Variants in GALNT13 observed in about 807,000 individuals in gnomAD.
GALNT13 encodes UDP-GalNAc:polypeptide N-acetylgalactosaminyltransferase 13.
Under a neutral mutation model 64.2 loss-of-function variants are expected in GALNT13, and 28 were observed. That is an observed-to-expected ratio of 0.44 (90% CI 0.32 to 0.60). The LOEUF (loss-of-function observed/expected upper bound fraction) is 0.60, where lower values mean the gene tolerates loss of function less well. Ranked by LOEUF, GALNT13 falls within the 20% of genes least tolerant of loss-of-function variation. The pLI is 0.05. For missense variants in GALNT13, 577 were observed against 669.8 expected (o/e 0.86, Z 1.53); for synonymous variants, 214 against 224.6 (o/e 0.95, Z 0.42).
At chr2:153,399,496 T>G in the GALNT13 span, among the ~76,000 whole-genome samples, 1 of 152,100 alleles carries the variant, frequency 6.6e-6, no homozygotes, top group East Asian at 1.9e-4. Flanking sequence ...TGGCATTGAA[T>G]CTGTAAATTA....
chr2:154,113,141 T>A (rs1703082441), intron 3 of GALNT13, among the ~76,000 whole-genome samples: 1 of 152,164 alleles, frequency 6.6e-6, no homozygotes, highest in African/African-American at 2.4e-5. Context: ...TAGAGCTGTC[T>A]CTCAAAAGGA....
At chr2:153,906,802 A>C (rs573932890) in intron 2 of GALNT13, among the ~76,000 whole-genome samples, 2 of 151,998 alleles carry the variant, frequency 1.3e-5, no homozygotes, top group African/African-American at 4.8e-5. Flanking sequence ...CTAGTTCTAG[A>C]TCCCTGAGGA....
At chr2:153,831,168 G>A in the GALNT13 span, among the ~76,000 whole-genome samples, 1 of 152,042 alleles carries the variant, frequency 6.6e-6, no homozygotes, top group African/African-American at 2.4e-5. Context: ...CTGTTACTAT[G>A]CTTGTTGACA....
chr2:153,385,173 C>T, the GALNT13 span, among the ~76,000 whole-genome samples: 1 of 152,072 alleles, frequency 6.6e-6, no homozygotes, highest in Non-Finnish European at 1.5e-5. Context: ...ATCCAGCAAT[C>T]CCATTGCTGG....
At chr2:153,822,503 T>C in the GALNT13 span, among the ~76,000 whole-genome samples, 15 of 152,118 alleles carry the variant, frequency 9.9e-5, no homozygotes, top group Non-Finnish European at 1.5e-4. Flanking sequence ...TCAATAGACA[T>C]ATAAAAAGCT....
At chr2:153,397,960 T>G in the GALNT13 span, among the ~76,000 whole-genome samples, 1 of 152,164 alleles carries the variant, frequency 6.6e-6, no homozygotes, top group Non-Finnish European at 1.5e-5. Context: ...TCAGGGTACA[T>G]GTGCACATTG....
chr2:153,545,363 T>C, the GALNT13 span, among the ~76,000 whole-genome samples: 1 of 152,110 alleles, frequency 6.6e-6, no homozygotes, highest in Non-Finnish European at 1.5e-5. Context: ...CCACACATGT[T>C]GATTCCATGT....
the GALNT13 span, among the ~76,000 whole-genome samples, chr2:153,115,121 C>T: frequency 1.3e-5 from 2 of 151,908 alleles, no homozygotes; most frequent in African/African-American, 4.9e-5. Context: ...TCATGACTGT[C>T]CAGGTAAAGG....
At chr2:153,685,169 A>T in the GALNT13 span, among the ~76,000 whole-genome samples, 9 of 152,016 alleles carry the variant, frequency 5.9e-5, no homozygotes, top group South Asian at 1.7e-3. Flanking sequence ...TTGGGTATAT[A>T]CCCAGTGGAT....
chr2:153,745,885 G>T, the GALNT13 span, among the ~76,000 whole-genome samples: 2 of 152,084 alleles, frequency 1.3e-5, no homozygotes, highest in African/African-American at 2.4e-5. Context: ...TCCATGCTTT[G>T]CCTGAAGCTG....
chr2:153,425,858 T>C, the GALNT13 span, among the ~76,000 whole-genome samples: 1 of 151,936 alleles, frequency 6.6e-6, no homozygotes, highest in South Asian at 2.1e-4. Flanking sequence ...AGTTTAGTAA[T>C]ATGAGATTAG....
At chr2:153,920,056 A>G (rs1268527436) in intron 2 of GALNT13, among the ~76,000 whole-genome samples, 1 of 148,402 alleles carries the variant, frequency 6.7e-6, no homozygotes, top group East Asian at 1.9e-4. Context: ...ATATTTATAT[A>G]TGAATTTTTA....
At chr2:153,426,500 GTC>G in the GALNT13 span, among the ~76,000 whole-genome samples, 1 of 151,916 alleles carries the variant, frequency 6.6e-6, no homozygotes, top group Admixed American at 6.6e-5. Flanking sequence ...AGTCTTGTAA[GTC>G]TTTGTTCATC....
rs540507287 is a variant in GALNT13, at chr2:153,885,528, C to A, written c.-177+13225C>A. Among the ~76,000 whole-genome samples, 4 of 152,110 alleles carry A rather than the reference C, an allele frequency of 2.6e-5. No individual in the cohort carries two copies. In the South Asian group the frequency reaches 8.3e-4, roughly 32 times the overall value. The stretch of plus-strand genomic sequence containing the variant: ...TGTTTAAAAGATCGTATCTCCATTT[C>A]ACCTGTTTTCCTAAACACTTTCAAA... On this transcript the variant is annotated intron_variant, in intron 1 of 12. Coordinates refer to ENST00000392825, the MANE Select transcript of GALNT13 (RefSeq NM_052917.4).
the GALNT13 span, among the ~76,000 whole-genome samples, chr2:153,104,805 A>G: frequency 6.6e-6 from 1 of 152,116 alleles, no homozygotes; most frequent in Non-Finnish European, 1.5e-5. Context: ...AGAAGTTAGA[A>G]TGCTTTGGTT....
the GALNT13 span, among the ~76,000 whole-genome samples, chr2:153,371,580 T>A: frequency 6.6e-6 from 1 of 152,128 alleles, no homozygotes; most frequent in Non-Finnish European, 1.5e-5. Flanking sequence ...CATGTTGACA[T>A]AAATCTAAAG....
intron 8 of GALNT13, among the ~76,000 whole-genome samples, chr2:154,283,666 G>A (rs1474342490): frequency 6.6e-6 from 1 of 151,688 alleles, no homozygotes; most frequent in Non-Finnish European, 1.5e-5. Context: ...GGGCTATAAG[G>A]CTAATATATA....
chr2:154,086,794 G>A (rs1213777192), intron 3 of GALNT13, among the ~76,000 whole-genome samples: 3 of 152,004 alleles, frequency 2.0e-5, no homozygotes, highest in Non-Finnish European at 4.4e-5. Flanking sequence ...ACGCGCACGC[G>A]ATAGGATCCA....
chr2:153,207,673 A>G, the GALNT13 span, among the ~76,000 whole-genome samples: 60 of 152,310 alleles, frequency 3.9e-4, no homozygotes, highest in East Asian at 8.9e-3. Flanking sequence ...TTTGGTTTAC[A>G]AGTATCCCTC....
Sources: allele counts gnomAD v4.1 joint callset (sites outside exome capture counted in the v4.1 genomes callset), GRCh38; gene constraint gnomAD v4.1.1; transcripts MANE v1.5; gene names NCBI Gene and HGNC (gene_info 2026-07-23, HGNC 2026-07-21).